The following PLEKHA6 variants were observed in gnomAD, a reference collection of about 807,000 sequenced individuals.
PLEKHA6 encodes pleckstrin homology domain containing A6.
In PLEKHA6, 60 loss-of-function variants were observed where a neutral mutation model predicts 116.7. That is an observed-to-expected ratio of 0.51 (90% CI 0.42 to 0.64). PLEKHA6 has a LOEUF of 0.64. PLEKHA6 is among the 30% of genes least tolerant of loss of function. The pLI is 0.00. For missense variants in PLEKHA6, 1,338 were observed against 1,422.7 expected (o/e 0.94, Z 0.96); for synonymous variants, 489 against 556.1 (o/e 0.88, Z 1.70).
intron 18 of PLEKHA6, among the ~76,000 whole-genome samples, 189 bp downstream of exon 18, chr1:204,230,224 A>G (rs1169014410): frequency 2.0e-5 from 3 of 152,256 alleles, no homozygotes; most frequent in African/African-American, 4.8e-5. Flanking sequence ...TAAACAAGAA[A>G]AAGTCAACAC....
intron 1 of PLEKHA6, among the ~76,000 whole-genome samples, chr1:204,331,646 T>C (rs1672453161): frequency 6.6e-6 from 1 of 152,174 alleles, no homozygotes; most frequent in Admixed American, 6.5e-5. Flanking sequence ...AGAATCATGC[T>C]TGGCCTATTT....
rs1672509099 is a variant in PLEKHA6, at chr1:204,332,915, A to C, written c.-95+26779T>G. On this transcript the variant is annotated intron_variant, in intron 1 of 22. Transcript: ENST00000272203. ...TCCAGAAAGATGAGAGTGTGCATAG[A>C]AGGAAAAGTGCTCTGAGCTCTCAGT... is the stretch of plus-strand genomic sequence containing the variant. Among the ~76,000 whole-genome samples the C allele has an allele frequency of 2.0e-5, 3 of 152,180 alleles. No homozygotes were observed. In the South Asian group the frequency reaches 6.2e-4, roughly 32 times the overall value.
At chr1:204,234,403 T>C in intron 17 of PLEKHA6, among the ~76,000 whole-genome samples, 1 of 152,170 alleles carries the variant, frequency 6.6e-6, no homozygotes, top group East Asian at 1.9e-4. Flanking sequence ...GTTTTAAGCC[T>C]CCTGGTTTGT....
intron 1 of PLEKHA6, among the ~76,000 whole-genome samples, chr1:204,350,306 G>A (rs1309940676): frequency 2.6e-5 from 4 of 152,234 alleles, no homozygotes; most frequent in Non-Finnish European, 5.9e-5. Flanking sequence ...GGGTGACAGA[G>A]TAAGACCGTG....
chr1:204,275,028 T>C, intron 1 of PLEKHA6: 1 of 706,180 alleles, frequency 1.4e-6, no homozygotes, highest in Non-Finnish European at 1.7e-6. Context: ...CACCTCCCAC[T>C]AGTCAGTGCT....
intron 1 of PLEKHA6, among the ~76,000 whole-genome samples, chr1:204,323,238 T>A (rs1163573503): frequency 2.0e-5 from 3 of 152,256 alleles, no homozygotes; most frequent in Non-Finnish European, 2.9e-5. Flanking sequence ...TGCACTTAGA[T>A]GGGGCACTCT....
rs1018059273 is a variant in PLEKHA6 at position 204,259,395 on chromosome 1, T to A, written c.870A>T (p.Gly290=). 5 of 1,614,106 alleles carry A rather than the reference T, an allele frequency of 3.1e-6. No individual in the cohort carries two copies. Among genetic ancestry groups the A allele is most frequent in the Non-Finnish European group, 4.2e-6 (5 of 1,180,052 alleles). ...AACTCCGCCGGTGTCCCCCAGTCTCTCCATCCTGAGACGGGAAAGCTGTGC... is the reference window on the plus strand; with the variant it reads ...AACTCCGCCGGTGTCCCCCAGTCTCACCATCCTGAGACGGGAAAGCTGTGC... The part of the protein sequence containing the change: ...PGSTAFPSQD[G]ETGGHRRSFP... Residue 290 remains glycine (G), a synonymous_variant, in exon 8 of 23, where the codon GGA becomes GGT. Transcript: ENST00000272203. The surrounding 1 kb of genome is among the most constrained non-coding windows in gnomAD (Gnocchi z 4.6).
intron 17 of PLEKHA6, among the ~76,000 whole-genome samples, chr1:204,236,086 A>T (rs1355484139): frequency 6.6e-6 from 1 of 152,214 alleles, no homozygotes; most frequent in African/African-American, 2.4e-5. Flanking sequence ...TATAAACAGA[A>T]ATCTGGAGAA....
At position 204,242,134 on chromosome 1, in the gene PLEKHA6, G is replaced by A. The variant is rs577975890; in HGVS notation, c.2173-320C>T. Among the ~76,000 whole-genome samples the A allele has an allele frequency of 6.8e-4, 103 of 152,294 alleles. 1 individual carries two copies. Among genetic ancestry groups the A allele is most frequent in the African/African-American group, 2.4e-3 (100 of 41,556 alleles). On this transcript the variant is annotated intron_variant, in intron 15 of 22. Transcript: ENST00000272203. ...TGTGAGCCAGATTCAAGGAATGGCC[G>A]GTGGGGGGTCTCTGAGGATCCTGTA...
rs546368036 is a variant in PLEKHA6 at position 204,220,654 on chromosome 1, A to T, written c.*2134T>A. On this transcript the variant is annotated 3_prime_UTR_variant, in exon 23 of 23. Coordinates refer to ENST00000272203, the MANE Select transcript of PLEKHA6 (RefSeq NM_014935.5). Reference sequence around the variant, plus strand: ...GTATGGTCTTGATATGCTAGGAATGATGTGGAAAATAAGGGAGAGAAAAAC... The same window carrying T: ...GTATGGTCTTGATATGCTAGGAATGTTGTGGAAAATAAGGGAGAGAAAAAC... The T allele has an allele frequency of 2.6e-5, 4 of 152,716 alleles. No individual in the cohort carries two copies. Among genetic ancestry groups the T allele is most frequent in the African/African-American group, 7.2e-5 (3 of 41,564 alleles). The allele number at this position is 152,716 out of a possible 1,614,324, so 9.5% of individuals were successfully genotyped here.
rs1325715344 is a variant in PLEKHA6 at position 204,228,366 on chromosome 1, C to T, written c.2886-138G>A. On this transcript the variant is annotated intron_variant, in intron 20 of 22. Transcript: ENST00000272203. The surrounding 1 kb of genome is among the most constrained non-coding windows in gnomAD (Gnocchi z 4.0). Reference sequence around the variant, plus strand: ...GTCTCTGGTTCCCAGCAAGGCTGTCCCTAGGAGTGAGTGGGACCCTGGCAA... The same window carrying T: ...GTCTCTGGTTCCCAGCAAGGCTGTCTCTAGGAGTGAGTGGGACCCTGGCAA... 4 of 840,564 alleles carry T rather than the reference C, an allele frequency of 4.8e-6. No individual in the cohort carries two copies. In the African/African-American group the frequency reaches 5.1e-5, roughly 11 times the overall value. The allele number at this position is 840,564 out of a possible 1,614,324, so 52.1% of individuals were successfully genotyped here.
Position 204,283,613 on chromosome 1 carries a change from T to C in PLEKHA6, c.-94-8804A>G, listed in dbSNP as rs1219948552. Among the ~76,000 whole-genome samples the C allele has an allele frequency of 2.0e-5, 3 of 152,190 alleles. 1 individual carries two copies. Among genetic ancestry groups the C allele is most frequent in the Admixed American group, 2.0e-4 (3 of 15,290 alleles). On this transcript the variant is annotated intron_variant, in intron 1 of 22. Coordinates refer to ENST00000272203, the MANE Select transcript of PLEKHA6 (RefSeq NM_014935.5). ...AATTTGAGTCTTGGGCTCCCTTCTT[T>C]CTGTTCCTGCGATGCACCCAATCTG...
rs1372923860 is a variant in PLEKHA6 at position 204,224,419 on chromosome 1, AACCAG to A, written c.3032-839_3032-835del. On this transcript the variant is annotated intron_variant, in intron 21 of 22. Coordinates refer to ENST00000272203, the MANE Select transcript of PLEKHA6 (RefSeq NM_014935.5). ...ACATCCTCACTCAGGCTCAGAAAGG[AACCAG>A]ACCTCAGCCAGTGTCACACTGCATT... Among the ~76,000 whole-genome samples, 4 of 152,014 alleles carry A rather than the reference AACCAG, an allele frequency of 2.6e-5. No homozygotes were observed. The South Asian group carries it at 8.4e-4, about 32-fold the overall frequency.
intron 1 of PLEKHA6, among the ~76,000 whole-genome samples, chr1:204,315,259 A>C (rs1291031242): frequency 6.6e-6 from 1 of 152,064 alleles, no homozygotes; most frequent in African/African-American, 2.4e-5. Flanking sequence ...TTGCTCAGAA[A>C]TCCTCAGTGG....
At position 204,222,020 on chromosome 1, in the gene PLEKHA6, A is replaced by ATCTCTCTC. The variant is rs66501941; in HGVS notation, c.*760_*767dup. 1,033 of 133,742 alleles carry ATCTCTCTC rather than the reference A, an allele frequency of 7.7e-3. 10 individuals carry two copies. The highest frequency in any genetic ancestry group is 0.01 in the Non-Finnish European group (664 of 63,536). 8.3% of individuals were successfully genotyped at this position (133,742 alleles called of 1,614,324 possible). A position where few individuals can be genotyped will look rare whatever the true frequency, so the allele number is the denominator to read the frequency against. On this transcript the variant is annotated 3_prime_UTR_variant, in exon 23 of 23. Coordinates refer to ENST00000272203, the MANE Select transcript of PLEKHA6 (RefSeq NM_014935.5). ...GCTTCCCCCTCCTTCCACTCTGAGGATCTCTCTCTCTCTCTCTCTCTCTCT... is the reference window on the plus strand; with the variant it reads ...GCTTCCCCCTCCTTCCACTCTGAGGATCTCTCTCTCTCTCTCTCTCTCTCTCTCTCTCT...
At chr1:204,378,147 T>C (rs1318444984), upstream of PLEKHA6, among the ~76,000 whole-genome samples, 1 of 152,114 alleles carries the variant, frequency 6.6e-6, no homozygotes, top group Non-Finnish European at 1.5e-5. Context: ...CAGGTTGCAG[T>C]GCGAGCAGGG....
rs760931143 is a variant in PLEKHA6, at chr1:204,257,478, G to A, written c.1399C>T (p.Arg467Cys). The change falls in exon 9 of 23, where the codon CGT becomes TGT. Residue 467 changes from arginine to cysteine, a missense_variant. Physicochemically the swap from Arg to Cys is radical, Grantham distance 180 (BLOSUM62 -3). This residue lies in a region of PLEKHA6 where 1,136 missense variants were observed against 1,163.6 expected (regional missense o/e 0.98). Coordinates refer to ENST00000272203, the MANE Select transcript of PLEKHA6 (RefSeq NM_014935.5). The surrounding 1 kb of genome is among the most constrained non-coding windows in gnomAD (Gnocchi z 6.5). ...PRSPSQGSYS[R>C]ARIYSPVRSP... ...CGGACAGGGGAGTAAATGCGGGCAC[G>A]GCTGTAGGAGCCCTGGCTGGGTGAG... is the stretch of plus-strand genomic sequence containing the variant. 18 of 1,577,894 alleles carry A rather than the reference G, an allele frequency of 1.1e-5. No homozygotes were observed. The highest frequency in any genetic ancestry group is 1.7e-4 in the Middle Eastern group (1 of 5,980).
At position 204,285,906 on chromosome 1, in the gene PLEKHA6, G is replaced by A. The variant is rs560602086; in HGVS notation, c.-94-11097C>T. On this transcript the variant is annotated intron_variant, in intron 1 of 22. Coordinates refer to ENST00000272203, the MANE Select transcript of PLEKHA6 (RefSeq NM_014935.5). Reference sequence around the variant, plus strand: ...TGCTTTCCTTTTCCTTCCTGGATTGGCCAACCTCTAGCTGACGCTTGGGGG... The same window carrying A: ...TGCTTTCCTTTTCCTTCCTGGATTGACCAACCTCTAGCTGACGCTTGGGGG... Among the ~76,000 whole-genome samples, 4 of 152,266 alleles carry A rather than the reference G, an allele frequency of 2.6e-5. No homozygotes were observed. In the South Asian group the frequency reaches 8.3e-4, roughly 32 times the overall value.
intron 1 of PLEKHA6, among the ~76,000 whole-genome samples, chr1:204,333,127 C>T (rs1451977581): frequency 6.6e-6 from 1 of 152,218 alleles, no homozygotes; most frequent in Non-Finnish European, 1.5e-5. Flanking sequence ...CCAGGAGAGC[C>T]AGAGGCCCCC....
Sources: allele counts gnomAD v4.1 joint callset (sites outside exome capture counted in the v4.1 genomes callset), GRCh38; gene constraint gnomAD v4.1.1; regional missense constraint gnomAD v4.1.1; non-coding constraint Gnocchi (gnomAD v3.1); transcripts MANE v1.5; gene names NCBI Gene and HGNC (gene_info 2026-07-23, HGNC 2026-07-21).